The following STXBP5L variants were observed in gnomAD, a reference collection of about 807,000 sequenced individuals.
The protein encoded by STXBP5L is syntaxin binding protein 5L, also known as syntaxin-binding protein 5-like.
A neutral mutation model predicts 144.5 loss-of-function variants in STXBP5L; 65 were observed. The ratio of observed to expected loss-of-function variants is 0.45; its 90% CI spans 0.37 to 0.55. The LOEUF is 0.55. Among genes scored for constraint, STXBP5L ranks in the 20% least tolerant of loss-of-function variants. STXBP5L has a pLI of 0.00. For missense variants in STXBP5L, 1,298 were observed against 1,405.5 expected (o/e 0.92, Z 1.22); for synonymous variants, 505 against 469.6 (o/e 1.08, Z -0.97).
At chr3:121,263,591 A>C (rs2050456366) in intron 18 of STXBP5L, among the ~76,000 whole-genome samples, 1 of 152,152 alleles carries the variant, frequency 6.6e-6, no homozygotes, top group African/African-American at 2.4e-5. Flanking sequence ...TTAGAGGAAC[A>C]GCTAAGTAAG....
At chr3:121,287,535 C>T (rs976635917) in intron 19 of STXBP5L, among the ~76,000 whole-genome samples, 1 of 152,052 alleles carries the variant, frequency 6.6e-6, no homozygotes, top group South Asian at 2.1e-4. Flanking sequence ...ATACGAAAGA[C>T]CCACACATTG....
At chr3:121,122,265 T>A (rs2044501937) in intron 7 of STXBP5L, among the ~76,000 whole-genome samples, 1 of 150,582 alleles carries the variant, frequency 6.6e-6, no homozygotes, top group African/African-American at 2.4e-5. Context: ...ATAGGTTTGG[T>A]TCTTTATTTT....
At chr3:121,399,126 C>A (rs145965987) in intron 22 of STXBP5L, among the ~76,000 whole-genome samples, 2 of 152,126 alleles carry the variant, frequency 1.3e-5, no homozygotes, top group Non-Finnish European at 2.9e-5. Context: ...GGTCTGTAAC[C>A]TCTTCTGTAC....
chr3:121,167,222 C>T (rs561506703), intron 9 of STXBP5L, among the ~76,000 whole-genome samples: 1 of 152,178 alleles, frequency 6.6e-6, no homozygotes, highest in Non-Finnish European at 1.5e-5. Context: ...TAAAACTGTA[C>T]TTTGCCAAAA....
chr3:121,160,824 T>G (rs541681713), intron 9 of STXBP5L, among the ~76,000 whole-genome samples: 3 of 152,318 alleles, frequency 2.0e-5, no homozygotes, highest in South Asian at 2.1e-4. Context: ...GAATTCCATT[T>G]TAATTTAAAT....
In STXBP5L at chr3:121,391,930, C is replaced by G. The variant is rs889658177; in HGVS notation, c.2587+10398C>G. Among the ~76,000 whole-genome samples the G allele has an allele frequency of 2.0e-5, 3 of 152,328 alleles. No homozygotes were observed. The East Asian group carries it at 5.8e-4, about 29-fold the overall frequency. On this transcript the variant is annotated intron_variant, in intron 22 of 26. Transcript: ENST00000471454. ...ACACCATGCTGGGAGAACCACTGCTCTCTTCAGAGCTATCAGACAGGGACG... is the reference window on the plus strand; with the variant it reads ...ACACCATGCTGGGAGAACCACTGCTGTCTTCAGAGCTATCAGACAGGGACG...
chr3:121,028,734 G>A (rs887340831), intron 3 of STXBP5L, among the ~76,000 whole-genome samples: 43 of 152,016 alleles, frequency 2.8e-4, no homozygotes, highest in African/African-American at 9.7e-4. Flanking sequence ...AATTTAAATA[G>A]TAATCAGTGC....
chr3:120,960,969 AT>A (rs963701941), intron 3 of STXBP5L, among the ~76,000 whole-genome samples: 1 of 151,620 alleles, frequency 6.6e-6, no homozygotes, highest in East Asian at 1.9e-4. Context: ...TTGGTGAAAG[AT>A]TTTTTTTAAA....
rs535466793 is a variant in STXBP5L at position 120,977,390 on chromosome 3, T to C, written c.287+22353T>C. Among the ~76,000 whole-genome samples, 15 of 152,302 alleles carry C rather than the reference T, an allele frequency of 9.8e-5. No homozygotes were observed. In the South Asian group the frequency reaches 2.9e-3, roughly 29 times the overall value. On this transcript the variant is annotated intron_variant, in intron 3 of 26. Transcript: ENST00000471454. ...AACCCCTGCCTTTTTTTGTTTTCCA[T>C]TTGCTTGTAGATCTTCCTTCATCCC...
intron 11 of STXBP5L, 67 bp downstream of exon 11, chr3:121,223,224 T>G: frequency 6.7e-7 from 1 of 1,488,982 alleles, no homozygotes; most frequent in Non-Finnish European, 9.0e-7. Context: ...TCTAACAAAA[T>G]TAAGGTTAAA....
chr3:121,246,434 A>G (rs1329618186), intron 14 of STXBP5L, among the ~76,000 whole-genome samples: 1 of 152,160 alleles, frequency 6.6e-6, no homozygotes, highest in African/African-American at 2.4e-5. Flanking sequence ...TCTTTGGTTG[A>G]GTGGTTTCAA....
intron 2 of STXBP5L, among the ~76,000 whole-genome samples, chr3:120,954,696 A>G (rs1478811786): frequency 3.3e-5 from 5 of 152,104 alleles, no homozygotes; most frequent in African/African-American, 1.2e-4. Context: ...GCTAGATTGT[A>G]AGACAGATGT....
At chr3:121,402,127 A>G (rs2046892860) in intron 22 of STXBP5L, among the ~76,000 whole-genome samples, 1 of 152,176 alleles carries the variant, frequency 6.6e-6, no homozygotes, top group Admixed American at 6.5e-5. Flanking sequence ...ATAAAATAGA[A>G]GTTTAAAAAT....
rs558393350 is a variant in STXBP5L at position 120,958,275 on chromosome 3, C to A, written c.287+3238C>A. On this transcript the variant is annotated intron_variant, in intron 3 of 26. Coordinates refer to ENST00000471454, the MANE Select transcript of STXBP5L (RefSeq NM_001308330.2). The stretch of plus-strand genomic sequence containing the variant: ...ATTGAGGCAATAATTAATAGCTTAC[C>A]AACCAAAAAAAGTCCAGGACCAGAT... Among the ~76,000 whole-genome samples the A allele has an allele frequency of 3.1e-3, 464 of 152,080 alleles. 5 individuals are homozygous for A. Among genetic ancestry groups the A allele is most frequent in the African/African-American group, 0.011 (447 of 41,474 alleles).
rs1368857835 is a variant in STXBP5L, at chr3:121,423,960, G to C, written c.*4863G>C. The C allele has an allele frequency of 6.6e-6, 1 of 152,116 alleles. No individual in the cohort carries two copies. The highest frequency in any genetic ancestry group is 1.9e-4 in the East Asian group (1 of 5,188). The allele number at this position is 152,116 out of a possible 1,614,324, so 9.4% of individuals were successfully genotyped here. ...TGTCCATCAATTATTCCAATTCAAA[G>C]GTCTAGGTTTTTTTTCAATTGTCTT... On this transcript the variant is annotated 3_prime_UTR_variant, in exon 27 of 27. Coordinates refer to ENST00000471454, the MANE Select transcript of STXBP5L (RefSeq NM_001308330.2).
intron 3 of STXBP5L, among the ~76,000 whole-genome samples, chr3:121,037,998 A>G (rs1946878276): frequency 6.6e-6 from 1 of 151,998 alleles, no homozygotes; most frequent in African/African-American, 2.4e-5. Context: ...TTATGGTAAT[A>G]TTCCTTTCCT....
At chr3:121,092,697 C>T (rs1054693284) in intron 5 of STXBP5L, among the ~76,000 whole-genome samples, 96 of 152,218 alleles carry the variant, frequency 6.3e-4, no homozygotes, top group Middle Eastern at 6.8e-3. Flanking sequence ...TTTCTAGATA[C>T]ACAATCATGT....
intron 18 of STXBP5L, among the ~76,000 whole-genome samples, chr3:121,264,324 C>T (rs1318502034): frequency 6.6e-6 from 1 of 151,982 alleles, no homozygotes; most frequent in East Asian, 1.9e-4. Flanking sequence ...GAGGCAGATT[C>T]TTCTCCAACT....
intron 5 of STXBP5L, among the ~76,000 whole-genome samples, chr3:121,048,259 TCTC>T (rs1475625079): frequency 6.6e-6 from 1 of 152,146 alleles, no homozygotes; most frequent in Non-Finnish European, 1.5e-5. Flanking sequence ...ACATGCCCCT[TCTC>T]TCCAGTTGCC....
Sources: allele counts gnomAD v4.1 joint callset (sites outside exome capture counted in the v4.1 genomes callset), GRCh38; gene constraint gnomAD v4.1.1; transcripts MANE v1.5; gene names NCBI Gene and HGNC (gene_info 2026-07-23, HGNC 2026-07-21).